Variants in PEBP4 observed in about 807,000 individuals in gnomAD.
PEBP4 encodes the protein phosphatidylethanolamine-binding protein 4.
A neutral mutation model predicts 23.9 loss-of-function variants in PEBP4; 22 were observed. The observed-to-expected ratio is 0.92, with a 90% CI of 0.66 to 1.31. The LOEUF is 1.31. Ranked by LOEUF, PEBP4 falls within the 40% of genes most tolerant of loss-of-function variation. The probability of loss-of-function intolerance (pLI) is 0.00; values close to 1 mark genes in which losing one functional copy is unlikely to be tolerated. For synonymous variants in PEBP4, 112 were observed against 99.3 expected (o/e 1.13, Z -0.76); for missense variants, 324 against 281.7 (o/e 1.15, Z -1.07).
chr8:22,801,250 T>C (rs28523851), intron 4 of PEBP4, among the ~76,000 whole-genome samples: 1 of 151,964 alleles, frequency 6.6e-6, no homozygotes, highest in African/African-American at 2.4e-5. Flanking sequence ...TTGACAGGCA[T>C]GATCTCACTT....
intron 4 of PEBP4, among the ~76,000 whole-genome samples, chr8:22,754,408 AT>A (rs1377658171): frequency 3.9e-5 from 6 of 152,198 alleles, no homozygotes; most frequent in African/African-American, 1.4e-4. Context: ...ACCAACACAA[AT>A]TTTTCTATTT....
chr8:22,866,629 TA>T (rs1807907774), intron 3 of PEBP4, among the ~76,000 whole-genome samples: 1 of 151,286 alleles, frequency 6.6e-6, no homozygotes, highest in Non-Finnish European at 1.5e-5. Flanking sequence ...TATATAGCCT[TA>T]AGGGGGTGGG....
At chr8:22,757,748 A>C (rs547436791) in intron 4 of PEBP4, 1 of 152,244 alleles carries the variant, frequency 6.6e-6, no homozygotes, top group African/African-American at 2.4e-5. Flanking sequence ...CAGCTCCAAG[A>C]GAGTTGGGCC....
At chr8:22,828,545 C>G (rs1284033947) in intron 3 of PEBP4, among the ~76,000 whole-genome samples, 1 of 152,126 alleles carries the variant, frequency 6.6e-6, no homozygotes, top group Non-Finnish European at 1.5e-5. Context: ...ATCCCCTTCC[C>G]CTCACTGCTC....
intron 4 of PEBP4, among the ~76,000 whole-genome samples, chr8:22,784,571 G>A (rs1805991044): frequency 6.6e-6 from 1 of 152,224 alleles, no homozygotes; most frequent in Non-Finnish European, 1.5e-5. Context: ...GCCAGGCTTG[G>A]GTGCTGCGAG....
intron 3 of PEBP4, among the ~76,000 whole-genome samples, chr8:22,877,672 TCCC>T (rs869027565): frequency 2.2e-5 from 2 of 90,374 alleles, no homozygotes; most frequent in Non-Finnish European, 4.7e-5. Context: ...CCTCCCCACC[TCCC>T]CCTCCTGTTA....
chr8:22,882,455 G>C (rs1808280944), intron 3 of PEBP4, among the ~76,000 whole-genome samples: 1 of 152,208 alleles, frequency 6.6e-6, no homozygotes, highest in African/African-American at 2.4e-5. Context: ...TTGGGGTGGT[G>C]TGGAGAATGT....
chr8:22,773,104 T>C (rs1311257561), intron 4 of PEBP4, among the ~76,000 whole-genome samples: 1 of 142,906 alleles, frequency 7.0e-6, no homozygotes, highest in African/African-American at 2.6e-5. Context: ...ACTGTACTAA[T>C]TACCAACCTA....
In PEBP4 at chr8:22,736,333, G is replaced by A. The variant is rs563999698; in HGVS notation, c.358-9113C>T. 5.3e-5 allele frequency among the ~76,000 whole-genome samples: 8 copies of A among 152,256 alleles called. No individual in the cohort carries two copies. The South Asian group carries it at 1.0e-3, about 20-fold the overall frequency. On this transcript the variant is annotated intron_variant, in intron 4 of 6. Coordinates refer to ENST00000256404, the MANE Select transcript of PEBP4 (RefSeq NM_144962.3). ...TAGAAGTAGACAAGAGTGGGGGTGCGTTGTCTCATGCCTGTAATCCCAGCA... is the reference window on the plus strand; with the variant it reads ...TAGAAGTAGACAAGAGTGGGGGTGCATTGTCTCATGCCTGTAATCCCAGCA...
intron 3 of PEBP4, among the ~76,000 whole-genome samples, chr8:22,901,842 T>C (rs1808717990): frequency 6.6e-6 from 1 of 152,134 alleles, no homozygotes; most frequent in South Asian, 2.1e-4. Context: ...TCATGTTCAT[T>C]AGACTCTGTT....
At chr8:22,798,572 T>G (rs1249816169) in intron 4 of PEBP4, 3 of 153,196 alleles carry the variant, frequency 2.0e-5, no homozygotes, top group Admixed American at 1.3e-4. Context: ...GCTTTCCTCT[T>G]CCTGATGACC....
intron 3 of PEBP4, among the ~76,000 whole-genome samples, chr8:22,869,582 G>T (rs918238644): frequency 6.6e-6 from 1 of 152,188 alleles, no homozygotes; most frequent in Non-Finnish European, 1.5e-5. Context: ...CTGTGAATCT[G>T]CTGGACACAC....
At chr8:22,796,096 G>A (rs1806253240) in intron 4 of PEBP4, among the ~76,000 whole-genome samples, 2 of 152,214 alleles carry the variant, frequency 1.3e-5, no homozygotes, top group South Asian at 2.1e-4. Context: ...GCGGACACTC[G>A]ATACTTATGG....
chr8:22,927,148 C>T (rs994784615), intron 2 of PEBP4, among the ~76,000 whole-genome samples: 3 of 152,192 alleles, frequency 2.0e-5, no homozygotes, highest in Non-Finnish European at 4.4e-5. Flanking sequence ...CTATCACTGA[C>T]AAAAACCTCT....
intron 3 of PEBP4, among the ~76,000 whole-genome samples, chr8:22,818,744 T>C (rs940400037): frequency 1.3e-5 from 2 of 152,172 alleles, no homozygotes; most frequent in Admixed American, 1.3e-4. Context: ...AGACTCGCAG[T>C]AGCATGGGAA....
chr8:22,759,248 G>T (rs1182919276), intron 4 of PEBP4, among the ~76,000 whole-genome samples: 1 of 109,880 alleles, frequency 9.1e-6, no homozygotes, highest in East Asian at 3.7e-4. Flanking sequence ...CGCATAGACG[G>T]AGGCCCAGGG....
chr8:22,866,562 A>C (rs1807906499), intron 3 of PEBP4, among the ~76,000 whole-genome samples: 1 of 151,188 alleles, frequency 6.6e-6, no homozygotes, highest in South Asian at 2.1e-4. Flanking sequence ...AGACAGTCTG[A>C]CTCCAGAGGC....
At chr8:22,914,217 A>C (rs1409265416) in intron 3 of PEBP4, among the ~76,000 whole-genome samples, 1 of 152,032 alleles carries the variant, frequency 6.6e-6, no homozygotes, top group Non-Finnish European at 1.5e-5. Context: ...CCTGACTTCA[A>C]GTGATCTGCC....
At chr8:22,936,213 A>G (rs1453911258) in intron 1 of PEBP4, among the ~76,000 whole-genome samples, 2 of 151,774 alleles carry the variant, frequency 1.3e-5, no homozygotes, top group African/African-American at 4.8e-5. Flanking sequence ...AATTACTAAA[A>G]TAAGAAATGA....
Sources: gnomAD v4.1 joint callset for allele counts (sites outside exome capture counted in the v4.1 genomes callset) on GRCh38, gnomAD v4.1.1 for gene constraint, MANE v1.5 for transcripts, NCBI Gene and HGNC (gene_info 2026-07-23, HGNC 2026-07-21) for gene names.